ZFAT: variants seen among roughly 807,000 people sequenced by gnomAD.
ZFAT encodes the protein zinc finger and AT-hook domain containing.
ZFAT carries 64 observed loss-of-function variants against 117.7 expected under a neutral mutation model. That is an observed-to-expected ratio of 0.54 (90% CI 0.44 to 0.67). The LOEUF (loss-of-function observed/expected upper bound fraction) is 0.67, where lower values mean the gene tolerates loss of function less well. ZFAT is among the 30% of genes least tolerant of loss of function. The pLI is 0.00. For missense variants in ZFAT, 1,433 were observed against 1,584.5 expected, an observed-to-expected ratio of 0.90 and a Z score of 1.62; for synonymous variants, 679 against 615.0, an observed-to-expected ratio of 1.10 and a Z score of -1.54.
chr8:134,737,050 G>A, the ZFAT span, among the ~76,000 whole-genome samples: 1 of 152,206 alleles, frequency 6.6e-6, no homozygotes, highest in Non-Finnish European at 1.5e-5. Flanking sequence ...GGAGGCCAAG[G>A]CGGGCAGATC....
At chr8:134,492,788 A>G (rs76524278) in intron 15 of ZFAT, among the ~76,000 whole-genome samples, 2,361 of 152,346 alleles carry the variant, frequency 0.015, 58 homozygotes, top group African/African-American at 0.053. Flanking sequence ...GTTTGTAAAA[A>G]ACATCATAAA....
chr8:134,787,612 C>T, the ZFAT span, among the ~76,000 whole-genome samples: 1 of 152,142 alleles, frequency 6.6e-6, no homozygotes, highest in African/African-American at 2.4e-5. Flanking sequence ...GGTCTTATGT[C>T]TGTTGGTGAA....
the ZFAT span, among the ~76,000 whole-genome samples, chr8:134,790,099 A>C: frequency 6.6e-6 from 1 of 152,138 alleles, no homozygotes; most frequent in Non-Finnish European, 1.5e-5. Flanking sequence ...GTGACCTGCT[A>C]AAGTAATTTT....
At position 134,664,081 on chromosome 8, in the gene ZFAT, G is replaced by C. The variant is rs192814626; in HGVS notation, c.20-6344C>G. ...GAAAGGCAGCCAGACCTGCACAGGA[G>C]GTCATGGAAGGGGCTCCCAGACTCC... On this transcript the variant is annotated intron_variant, in intron 1 of 15. Coordinates refer to ENST00000377838, the MANE Select transcript of ZFAT (RefSeq NM_020863.4). 1.5e-4 allele frequency among the ~76,000 whole-genome samples: 23 copies of C among 152,232 alleles called. No individual in the cohort carries two copies. In the East Asian group the frequency reaches 4.4e-3, roughly 29 times the overall value.
chr8:134,665,769 T>A (rs1038806550), intron 1 of ZFAT, among the ~76,000 whole-genome samples: 4 of 151,964 alleles, frequency 2.6e-5, no homozygotes, highest in Admixed American at 1.3e-4. Context: ...AGAAGGGGGA[T>A]GAATATCACC....
At chr8:134,748,525 G>A in the ZFAT span, among the ~76,000 whole-genome samples, 7 of 151,846 alleles carry the variant, frequency 4.6e-5, no homozygotes, top group Non-Finnish European at 7.4e-5. Flanking sequence ...TCTGGTTTTC[G>A]GTAATTACAA....
At chr8:134,580,806 C>T (rs113068801) in intron 10 of ZFAT, among the ~76,000 whole-genome samples, 157 of 152,138 alleles carry the variant, frequency 1.0e-3, no homozygotes, top group African/African-American at 3.2e-3. Context: ...ACATACCATA[C>T]GCTAAAATAA....
At chr8:134,571,976 A>T (rs1327014719) in intron 10 of ZFAT, among the ~76,000 whole-genome samples, 1 of 152,244 alleles carries the variant, frequency 6.6e-6, no homozygotes, top group Non-Finnish European at 1.5e-5. Context: ...TGTCCTAAGG[A>T]GTTAATTCAA....
chr8:134,531,746 T>C (rs1411101978), intron 12 of ZFAT, among the ~76,000 whole-genome samples: 2 of 152,246 alleles, frequency 1.3e-5, no homozygotes, highest in African/African-American at 4.8e-5. Context: ...GCTTTAAAAT[T>C]ATCCTGAGTT....
At chr8:134,484,619 G>C (rs1174978991) in intron 15 of ZFAT, among the ~76,000 whole-genome samples, 1 of 152,158 alleles carries the variant, frequency 6.6e-6, no homozygotes, top group Non-Finnish European at 1.5e-5. Flanking sequence ...ATAGAGCACA[G>C]ATTTTTTGAC....
intron 2 of ZFAT, among the ~76,000 whole-genome samples, chr8:134,645,974 G>A (rs1016790216): frequency 4.6e-5 from 7 of 152,198 alleles, no homozygotes; most frequent in African/African-American, 1.2e-4. Context: ...AGGCCGAGGC[G>A]GGTGGATCAC....
At chr8:134,664,542 C>T (rs1291290079) in intron 1 of ZFAT, among the ~76,000 whole-genome samples, 1 of 152,244 alleles carries the variant, frequency 6.6e-6, no homozygotes, top group Admixed American at 6.5e-5. Flanking sequence ...TTCAACAGAA[C>T]CTATGAGTGC....
chr8:134,565,035 G>C, intron 11 of ZFAT: 5 of 1,364,926 alleles, frequency 3.7e-6, no homozygotes, highest in Non-Finnish European at 4.8e-6. Flanking sequence ...CCTAAAGCCT[G>C]CAAGCCTTCC....
chr8:134,735,607 T>C, the ZFAT span, among the ~76,000 whole-genome samples: 10 of 152,202 alleles, frequency 6.6e-5, no homozygotes, highest in African/African-American at 1.2e-4. Context: ...TGACTTCCCA[T>C]TGGGACTCCT....
the ZFAT span, among the ~76,000 whole-genome samples, chr8:134,756,553 C>T: frequency 1.3e-5 from 2 of 152,228 alleles, no homozygotes; most frequent in South Asian, 4.1e-4. Context: ...TGGTGCTCCA[C>T]CTCCAATCCC....
rs1013416840 is a variant in ZFAT at position 134,540,928 on chromosome 8, T to C, written c.2977-7956A>G. Among the ~76,000 whole-genome samples, 3 of 152,202 alleles carry C rather than the reference T, an allele frequency of 2.0e-5. No individual in the cohort carries two copies. In the East Asian group the frequency reaches 5.8e-4, roughly 29 times the overall value. ...TTTTCCTGTAGTTTGGGGTCATTTT[T>C]TAGGCTCATGAAAATGTGCTCAGGG... On this transcript the variant is annotated intron_variant, in intron 11 of 15. Coordinates refer to ENST00000377838, the MANE Select transcript of ZFAT (RefSeq NM_020863.4).
chr8:134,808,213 G>A, the ZFAT span, among the ~76,000 whole-genome samples: 6 of 152,308 alleles, frequency 3.9e-5, no homozygotes, highest in Admixed American at 3.9e-4. Flanking sequence ...GTGTGTGGAT[G>A]TGAACGCTAG....
intron 1 of ZFAT, among the ~76,000 whole-genome samples, chr8:134,689,808 C>G (rs1272453037): frequency 6.6e-6 from 1 of 152,250 alleles, no homozygotes; most frequent in Admixed American, 6.5e-5. Context: ...AGGACACACA[C>G]TCCAGCCCAG....
intron 1 of ZFAT, among the ~76,000 whole-genome samples, chr8:134,668,700 C>T (rs544783094): frequency 1.3e-5 from 2 of 152,362 alleles, no homozygotes; most frequent in South Asian, 4.1e-4. Context: ...GAGCACTTCT[C>T]CCCCTTCAAA....
Sources: allele counts gnomAD v4.1 joint callset (sites outside exome capture counted in the v4.1 genomes callset), GRCh38; gene constraint gnomAD v4.1.1; transcripts MANE v1.5; gene names NCBI Gene and HGNC (gene_info 2026-07-23, HGNC 2026-07-21).